The following SV2C variants were observed in gnomAD, a reference collection of about 807,000 sequenced individuals.
SV2C encodes synaptic vesicle glycoprotein 2C.
Under a neutral mutation model 79.7 loss-of-function variants are expected in SV2C, and 49 were observed. That is an observed-to-expected ratio of 0.61 (90% confidence interval 0.49 to 0.78). The LOEUF (loss-of-function observed/expected upper bound fraction) is 0.78, where lower values mean the gene tolerates loss of function less well. Ranked by LOEUF, SV2C falls within the 30% of genes least tolerant of loss-of-function variation. The pLI is 0.00. For synonymous variants in SV2C, 334 were observed against 333.2 expected (o/e 1.00, Z -0.03); for missense variants, 833 against 912.9 (o/e 0.91, Z 1.13).
chr5:76,076,189 G>C, the SV2C span, among the ~76,000 whole-genome samples: 255 of 152,286 alleles, frequency 1.7e-3, 3 homozygotes, highest in Middle Eastern at 0.031. Flanking sequence ...TTTTTGAAAA[G>C]GTAAATCCCT....
the SV2C span, among the ~76,000 whole-genome samples, chr5:75,962,303 T>C: frequency 6.6e-6 from 1 of 152,098 alleles, no homozygotes; most frequent in Non-Finnish European, 1.5e-5. Flanking sequence ...GGTAAGGACA[T>C]GTGTTGTTCA....
the SV2C span, among the ~76,000 whole-genome samples, chr5:76,026,246 A>G: frequency 6.8e-6 from 1 of 147,420 alleles, no homozygotes; most frequent in East Asian, 2.0e-4. Context: ...ACACACTTCA[A>G]TGCTATTAAT....
intron 12 of SV2C, among the ~76,000 whole-genome samples, chr5:76,340,663 C>T (rs1187151629): frequency 6.6e-6 from 1 of 152,178 alleles, no homozygotes; most frequent in African/African-American, 2.4e-5. Context: ...CCACCCAACA[C>T]TGGAGGAAAT....
At position 76,329,656 on chromosome 5, in the gene SV2C, A is replaced by G. The variant is rs1749116145; in HGVS notation, c.*4109A>G. The G allele has an allele frequency of 6.6e-6, 1 of 152,248 alleles. No individual in the cohort carries two copies. The highest frequency in any genetic ancestry group is 3.2e-3 in the Middle Eastern group (1 of 316). The allele number at this position is 152,248 out of a possible 1,614,324, so 9.4% of individuals were successfully genotyped here. ...GCTGGGGTCATTTCCAAAGCAGTCCAGGGGAATACTTTCTGATTCCCTCTG... is the reference window on the plus strand; with the variant it reads ...GCTGGGGTCATTTCCAAAGCAGTCCGGGGGAATACTTTCTGATTCCCTCTG... On this transcript the variant is annotated 3_prime_UTR_variant, in exon 13 of 13. Transcript: ENST00000502798.
Position 76,146,413 on chromosome 5 carries a change from G to A in SV2C, c.580+14083G>A, listed in dbSNP as rs146800249. On this transcript the variant is annotated intron_variant, in intron 2 of 12. Coordinates refer to ENST00000502798, the MANE Select transcript of SV2C (RefSeq NM_014979.4). ...GCTAAACAAGGGATGGATTACTCAT[G>A]CCTCCCCTTTCTAGACCATATAGGG... Among the ~76,000 whole-genome samples, 6 of 152,276 alleles carry A rather than the reference G, an allele frequency of 3.9e-5. No individual in the cohort carries two copies. The East Asian group carries it at 7.7e-4, about 20-fold the overall frequency.
Position 76,150,626 on chromosome 5 carries a change from CTTTTTTTTT to C in SV2C, c.580+18317_580+18325del, listed in dbSNP as rs57910684. On this transcript the variant is annotated intron_variant, in intron 2 of 12. Transcript: ENST00000502798. Reference sequence around the variant, plus strand: ...TATTCGTCTGTTTATTCATCAAATTCTTTTTTTTTTTTTTTTTTTTTTTTTTTTTGAGAC... The same window carrying C: ...TATTCGTCTGTTTATTCATCAAATTCTTTTTTTTTTTTTTTTTTTTGAGAC... 6.7e-4 allele frequency among the ~76,000 whole-genome samples: 38 copies of C among 56,456 alleles called. 1 individual carries two copies. The highest frequency in any genetic ancestry group is 2.2e-3 in the African/African-American group (28 of 12,838). 37.0% of individuals were successfully genotyped at this position (56,456 alleles called of 152,430 possible). A position where few individuals can be genotyped will look rare whatever the true frequency, so the allele number is the denominator to read the frequency against.
the SV2C span, among the ~76,000 whole-genome samples, chr5:75,968,970 T>A: frequency 6.6e-6 from 1 of 152,176 alleles, no homozygotes. Flanking sequence ...GACTAACAGC[T>A]GATCTCTCGG....
chr5:76,265,842 C>A (rs1425995034), intron 4 of SV2C, among the ~76,000 whole-genome samples: 2 of 152,106 alleles, frequency 1.3e-5, no homozygotes, highest in African/African-American at 4.8e-5. Context: ...AACAGTGTAC[C>A]CCAGTTGGAA....
At chr5:75,872,583 CAT>C in the SV2C span, among the ~76,000 whole-genome samples, 2 of 152,004 alleles carry the variant, frequency 1.3e-5, no homozygotes, top group African/African-American at 4.8e-5. Flanking sequence ...AGAAGAATAT[CAT>C]ATTTTATACA....
chr5:76,016,936 A>G, the SV2C span, among the ~76,000 whole-genome samples: 2 of 152,198 alleles, frequency 1.3e-5, no homozygotes, highest in Non-Finnish European at 2.9e-5. Flanking sequence ...TTAAAATGCC[A>G]CCTGCGCTGT....
chr5:76,145,671 C>T lies in SV2C; in HGVS notation c.580+13341C>T, dbSNP rs570378083. 4.4e-4 allele frequency among the ~76,000 whole-genome samples: 67 copies of T among 152,264 alleles called. 1 individual carries two copies. The highest frequency in any genetic ancestry group is 1.6e-3 in the African/African-American group (65 of 41,552). On this transcript the variant is annotated intron_variant, in intron 2 of 12. Coordinates refer to ENST00000502798, the MANE Select transcript of SV2C (RefSeq NM_014979.4). ...GAGACAGAATCGACAGGGAGAGTCCCAGTTTTAAGCTCCCAAGCAAGATCT... is the reference window on the plus strand; with the variant it reads ...GAGACAGAATCGACAGGGAGAGTCCTAGTTTTAAGCTCCCAAGCAAGATCT...
At chr5:76,045,523 T>C in the SV2C span, among the ~76,000 whole-genome samples, 11 of 152,228 alleles carry the variant, frequency 7.2e-5, no homozygotes, top group Non-Finnish European at 1.3e-4. Flanking sequence ...ATTTTCATGA[T>C]ATTAATTCTT....
chr5:76,043,201 G>A, the SV2C span, among the ~76,000 whole-genome samples: 1 of 152,154 alleles, frequency 6.6e-6, no homozygotes, highest in Admixed American at 6.6e-5. Flanking sequence ...GCCATCTGTG[G>A]CAGCCAGCCT....
the SV2C span, chr5:75,920,886 G>A: frequency 4.0e-6 from 3 of 756,330 alleles, no homozygotes; most frequent in East Asian, 2.5e-5. Flanking sequence ...GTCAGCGAAG[G>A]TCAGGGTCAG....
At chr5:76,036,506 C>T in the SV2C span, among the ~76,000 whole-genome samples, 4 of 152,062 alleles carry the variant, frequency 2.6e-5, no homozygotes, top group South Asian at 6.2e-4. Flanking sequence ...ACTTATGAAG[C>T]TTAGTTTGGC....
chr5:75,852,700 C>A, the SV2C span, among the ~76,000 whole-genome samples: 1 of 151,870 alleles, frequency 6.6e-6, no homozygotes, highest in East Asian at 1.9e-4. Context: ...GTGGCAGGTG[C>A]CTGTAGTCCC....
chr5:75,936,323 G>A, the SV2C span, among the ~76,000 whole-genome samples: 1 of 152,154 alleles, frequency 6.6e-6, no homozygotes, highest in Non-Finnish European at 1.5e-5. Context: ...TTGGGTCTAT[G>A]TCTCTACAGG....
intron 1 of SV2C, among the ~76,000 whole-genome samples, chr5:76,114,376 A>G (rs760645703): frequency 4.6e-5 from 7 of 152,200 alleles, no homozygotes; most frequent in Non-Finnish European, 8.8e-5. Context: ...AATATTTACT[A>G]AGTAAAACAC....
At chr5:76,248,333 T>G (rs922427884) in intron 4 of SV2C, among the ~76,000 whole-genome samples, 2 of 152,218 alleles carry the variant, frequency 1.3e-5, no homozygotes, top group Non-Finnish European at 2.9e-5. Context: ...CTGAGGCCTC[T>G]TTCCCTGGCT....
Sources: allele counts gnomAD v4.1 joint callset (sites outside exome capture counted in the v4.1 genomes callset), GRCh38; gene constraint gnomAD v4.1.1; transcripts MANE v1.5; gene names NCBI Gene and HGNC (gene_info 2026-07-23, HGNC 2026-07-21).